The following SAMHD1 variants were observed in gnomAD, a reference collection of about 807,000 sequenced individuals.
SAMHD1 encodes the protein SAM and HD domain containing deoxynucleoside triphosphate triphosphohydrolase 1.
Under a neutral mutation model 79.6 loss-of-function variants are expected in SAMHD1, and 54 were observed. The observed-to-expected ratio is 0.68, with a 90% CI of 0.55 to 0.85. The LOEUF is 0.85. Ranked by LOEUF, SAMHD1 falls within the 40% of genes least tolerant of loss-of-function variation. The pLI, the probability that SAMHD1 is intolerant of heterozygous loss-of-function variation, is 0.00. For synonymous variants in SAMHD1, 260 were observed against 264.1 expected (o/e 0.98, Z 0.15); for missense variants, 663 against 782.7 (o/e 0.85, Z 1.82).
At chr20:36,926,931 T>C (rs2063539957) in intron 6 of SAMHD1, 1 of 413,342 alleles carries the variant, frequency 2.4e-6, no homozygotes, top group Admixed American at 4.1e-5. Flanking sequence ...TTGTGATTTT[T>C]GATGCATCAA....
intron 11 of SAMHD1, among the ~76,000 whole-genome samples, chr20:36,909,622 G>A (rs145011414): frequency 0.032 from 4,521 of 142,938 alleles, 95 homozygotes; most frequent in Non-Finnish European, 0.044. Flanking sequence ...AGTGAGCCGA[G>A]ATCGTGCCAT....
At chr20:36,912,898 T>G (rs961218597) in intron 9 of SAMHD1, among the ~76,000 whole-genome samples, 1 of 130,012 alleles carries the variant, frequency 7.7e-6, no homozygotes, top group African/African-American at 3.2e-5. Flanking sequence ...TGTTTTTTTT[T>G]TTTTTTTTTT....
At chr20:36,948,345 C>T (rs2063708870) in intron 1 of SAMHD1, among the ~76,000 whole-genome samples, 1 of 152,080 alleles carries the variant, frequency 6.6e-6, no homozygotes, top group East Asian at 2.0e-4. Flanking sequence ...CTCCGCCTCC[C>T]AGGTTCAAGT....
At chr20:36,948,990 C>T (rs1034022140) in intron 1 of SAMHD1, among the ~76,000 whole-genome samples, 1 of 151,952 alleles carries the variant, frequency 6.6e-6, no homozygotes, top group Non-Finnish European at 1.5e-5. Flanking sequence ...GCCGGCCGGG[C>T]GCGGTGGCTC....
intron 6 of SAMHD1, among the ~76,000 whole-genome samples, chr20:36,923,389 T>C (rs1469500145): frequency 6.6e-6 from 1 of 151,800 alleles, no homozygotes; most frequent in African/African-American, 2.4e-5. Flanking sequence ...ATCACTGAGC[T>C]CCTGCCCGGG....
chr20:36,934,211 T>G lies in SAMHD1; in HGVS notation c.509+818A>C, dbSNP rs370793449. 5.9e-5 allele frequency among the ~76,000 whole-genome samples: 9 copies of G among 151,702 alleles called. No homozygotes were observed. The East Asian group carries it at 1.2e-3, about 20-fold the overall frequency. The stretch of plus-strand genomic sequence containing the variant: ...TTAAGAATACATAAAATAAATAAAT[T>G]GCAACAAGGTAAATAAAAAGCCTCA... On this transcript the variant is annotated intron_variant, in intron 4 of 15. Transcript: ENST00000646673.
chr20:36,941,069 T>C lies in SAMHD1; in HGVS notation c.318A>G (p.Arg106=). ...TTGTATCAACGTGGATTTGAACCAA[T>C]CGCTGGATATAACTAAGCAGCTTCT... is the stretch of plus-strand genomic sequence containing the variant. ...ERKKLLSYIQ[R]LVQIHVDTMK... is the part of the protein sequence containing the mutation. Residue 106 remains arginine, a synonymous_variant, in exon 3 of 16, where the codon CGA becomes CGG. Transcript: ENST00000646673. 6.2e-7 allele frequency: 1 copy of C among 1,613,662 alleles called. No individual in the cohort carries two copies. Among genetic ancestry groups the C allele is most frequent in the East Asian group, 2.2e-5 (1 of 44,838 alleles).
At chr20:36,908,390 C>T (rs374573052) in intron 11 of SAMHD1, among the ~76,000 whole-genome samples, 2 of 151,958 alleles carry the variant, frequency 1.3e-5, no homozygotes, top group East Asian at 1.9e-4. Flanking sequence ...ACTACAGGCA[C>T]GCACCACCAG....
At chr20:36,897,660 G>T in intron 15 of SAMHD1, 162 bp downstream of exon 15, 2 of 781,110 alleles carry the variant, frequency 2.6e-6, no homozygotes, top group Non-Finnish European at 4.3e-6. Flanking sequence ...GGCTGACACA[G>T]ATTCAGACAT....
At chr20:36,901,705 C>A (rs1479262138) in intron 13 of SAMHD1, among the ~76,000 whole-genome samples, 5 of 152,112 alleles carry the variant, frequency 3.3e-5, no homozygotes, top group Admixed American at 6.6e-5. Flanking sequence ...CACTGCACTC[C>A]AGCCTGGGCA....
At chr20:36,909,161 A>G (rs1364853294) in intron 11 of SAMHD1, among the ~76,000 whole-genome samples, 3 of 151,706 alleles carry the variant, frequency 2.0e-5, no homozygotes, top group Non-Finnish European at 4.4e-5. Context: ...GGGGTTTTAC[A>G]ATTTTGGACA....
intron 9 of SAMHD1, 108 bp from the exon 10 acceptor site, chr20:36,912,660 C>T (rs2063448021): frequency 1.3e-6 from 1 of 769,608 alleles, no homozygotes; most frequent in African/African-American, 1.7e-5. Context: ...GACAAGAGGG[C>T]TATGCACCGG....
At chr20:36,928,116 G>C (rs2063547118) in intron 5 of SAMHD1, among the ~76,000 whole-genome samples, 1 of 152,220 alleles carries the variant, frequency 6.6e-6, no homozygotes, top group Admixed American at 6.5e-5. Flanking sequence ...GCCAGGTGTG[G>C]TGGCTCATGC....
At chr20:36,951,413 CT>C in intron 1 of SAMHD1, 22 bp downstream of exon 1, 1 of 1,612,664 alleles carries the variant, frequency 6.2e-7, no homozygotes, top group Non-Finnish European at 8.5e-7. Flanking sequence ...CCCTTCGCCC[CT>C]CAGCCCCTCC....
At chr20:36,936,287 ATG>A (rs1189270318) in intron 3 of SAMHD1, among the ~76,000 whole-genome samples, 4 of 152,054 alleles carry the variant, frequency 2.6e-5, no homozygotes, top group Admixed American at 2.6e-4. Context: ...CAGCTGAACA[ATG>A]TGTTTATGTG....
rs1279468492 is a variant in SAMHD1, at chr20:36,893,460, C to A, written c.1747-394G>T. ...CTCTGCAATAAAAGGCCCAGGTCTA[C>A]AAGATGGCAAAGAAGGGGAGGAAGA... On this transcript the variant is annotated intron_variant, in intron 15 of 15. Coordinates refer to ENST00000646673, the MANE Select transcript of SAMHD1 (RefSeq NM_015474.4). 3 of 300,788 alleles carry A rather than the reference C, an allele frequency of 1.0e-5. No homozygotes were observed. In the Admixed American group the frequency reaches 1.4e-4, roughly 14 times the overall value. 18.6% of individuals were successfully genotyped at this position (300,788 alleles called of 1,614,324 possible). A position where few individuals can be genotyped will look rare whatever the true frequency, so the allele number is the denominator to read the frequency against.
At chr20:36,931,215 G>A (rs540930305) in intron 4 of SAMHD1, among the ~76,000 whole-genome samples, 3 of 152,222 alleles carry the variant, frequency 2.0e-5, no homozygotes, top group Non-Finnish European at 4.4e-5. Context: ...CACTGTTAGT[G>A]GGGATGTATT....
rs571877854 is a variant in SAMHD1 at position 36,937,786 on chromosome 20, A to G, written c.349-2597T>C. ...GTATTGATTTCATTACTAAGCCGTG[A>G]TTCAGTAGTTTGAAAATCTATTTCC... On this transcript the variant is annotated intron_variant, in intron 3 of 15. Coordinates refer to ENST00000646673, the MANE Select transcript of SAMHD1 (RefSeq NM_015474.4). Among the ~76,000 whole-genome samples the G allele has an allele frequency of 5.9e-5, 9 of 152,046 alleles. No homozygotes were observed. In the East Asian group the frequency reaches 1.5e-3, roughly 26 times the overall value.
intron 15 of SAMHD1, among the ~76,000 whole-genome samples, chr20:36,896,430 T>A (rs965268475): frequency 6.6e-6 from 1 of 152,152 alleles, no homozygotes; most frequent in Non-Finnish European, 1.5e-5. Flanking sequence ...AATTCTTGAA[T>A]ATGCTCAATG....
Sources: allele counts gnomAD v4.1 joint callset (sites outside exome capture counted in the v4.1 genomes callset), GRCh38; gene constraint gnomAD v4.1.1; transcripts MANE v1.5; gene names NCBI Gene and HGNC (gene_info 2026-07-23, HGNC 2026-07-21).